Variants in UNC5D observed in about 807,000 individuals in gnomAD.
The protein encoded by UNC5D is unc-5 netrin receptor D, also known as netrin receptor UNC5D.
UNC5D carries 39 observed loss-of-function variants against 105.4 expected under a neutral mutation model. That is an observed-to-expected ratio of 0.37 (90% CI 0.29 to 0.48). UNC5D has a LOEUF of 0.48. Among genes scored for constraint, UNC5D ranks in the 20% least tolerant of loss-of-function variants. The pLI is 0.98. For missense variants in UNC5D, 991 were observed against 1,202.4 expected (o/e 0.82, Z 2.60); for synonymous variants, 452 against 450.4 (o/e 1.00, Z -0.04).
intron 1 of UNC5D, among the ~76,000 whole-genome samples, chr8:35,362,389 A>T (rs1482543741): frequency 6.6e-6 from 1 of 152,186 alleles, no homozygotes; most frequent in Non-Finnish European, 1.5e-5. Context: ...AATAAATGGT[A>T]ACCATAAAGT....
chr8:35,368,579 A>T (rs1431812474), intron 1 of UNC5D, among the ~76,000 whole-genome samples: 1 of 149,770 alleles, frequency 6.7e-6, no homozygotes, highest in Non-Finnish European at 1.5e-5. Flanking sequence ...GATAATTATA[A>T]TTCAATTGTA....
At chr8:35,415,647 A>C (rs148383024) in intron 1 of UNC5D, among the ~76,000 whole-genome samples, 131 of 152,266 alleles carry the variant, frequency 8.6e-4, no homozygotes, top group African/African-American at 3.1e-3. Flanking sequence ...GGAATTGTCC[A>C]GGCAGCTACT....
intron 1 of UNC5D, among the ~76,000 whole-genome samples, chr8:35,548,292 T>A (rs1216650324): frequency 6.6e-6 from 1 of 152,166 alleles, no homozygotes; most frequent in African/African-American, 2.4e-5. Flanking sequence ...TAAAGACTGG[T>A]TTGGTCTCAA....
At chr8:35,355,831 C>T (rs1397731461) in intron 1 of UNC5D, among the ~76,000 whole-genome samples, 1 of 152,114 alleles carries the variant, frequency 6.6e-6, no homozygotes, top group Non-Finnish European at 1.5e-5. Flanking sequence ...TCTACCATCC[C>T]TTCCACCAAG....
chr8:35,318,524 A>G (rs1392110415), intron 1 of UNC5D, among the ~76,000 whole-genome samples: 1 of 152,232 alleles, frequency 6.6e-6, no homozygotes, highest in East Asian at 1.9e-4. Context: ...TTTATCATCC[A>G]TAACATTTTA....
chr8:35,533,811 C>G (rs188567781), intron 1 of UNC5D, among the ~76,000 whole-genome samples: 1 of 152,174 alleles, frequency 6.6e-6, no homozygotes, highest in Non-Finnish European at 1.5e-5. Context: ...CCCGATTTTC[C>G]AAGTGCGTCC....
In UNC5D at chr8:35,595,628, C is replaced by A; in HGVS notation, c.541C>A (p.Arg181Ser). 1 of 1,614,012 alleles carries A rather than the reference C, an allele frequency of 6.2e-7. No homozygotes were observed. Among genetic ancestry groups the A allele is most frequent in the Non-Finnish European group, 8.5e-7 (1 of 1,179,962 alleles). ...PIEGMIVLHCRPPEGVPAAEV... is the reference protein window; with the variant it reads ...PIEGMIVLHCSPPEGVPAAEV... Reference sequence around the variant, plus strand: ...TGAAGGCATGATTGTACTGCACTGCCGCCCACCAGAGGGAGTCCCTGCTGC... The same window carrying A: ...TGAAGGCATGATTGTACTGCACTGCAGCCCACCAGAGGGAGTCCCTGCTGC... Residue 181 changes from arginine (R) to serine (S), a missense_variant, in exon 4 of 17, where the codon CGC becomes AGC. Physicochemically the swap from Arg to Ser is moderately radical, Grantham distance 110. This residue lies in a region of UNC5D where 944 missense variants were observed against 1,131.6 expected (regional missense o/e 0.83). Transcript: ENST00000404895.
chr8:35,379,461 T>A (rs1802894439), intron 1 of UNC5D, among the ~76,000 whole-genome samples: 1 of 152,212 alleles, frequency 6.6e-6, no homozygotes, highest in Non-Finnish European at 1.5e-5. Context: ...CCGAGCCACA[T>A]GATTCTACCA....
intron 1 of UNC5D, among the ~76,000 whole-genome samples, chr8:35,326,887 G>A (rs2082046089): frequency 6.6e-6 from 1 of 152,156 alleles, no homozygotes; most frequent in African/African-American, 2.4e-5. Flanking sequence ...AGGGCCTCTG[G>A]ATGTTGGCAA....
At chr8:35,423,569 G>A (rs1319134173) in intron 1 of UNC5D, among the ~76,000 whole-genome samples, 8 of 152,158 alleles carry the variant, frequency 5.3e-5, no homozygotes. Context: ...CAGTGTTTCG[G>A]TGTAATAAAC....
At chr8:35,336,710 A>G (rs1585615089) in intron 1 of UNC5D, among the ~76,000 whole-genome samples, 1 of 152,098 alleles carries the variant, frequency 6.6e-6, no homozygotes, top group East Asian at 1.9e-4. Context: ...TTCCTTTCAA[A>G]TGTGGAATAA....
At chr8:35,553,024 G>A (rs952095325) in intron 2 of UNC5D, among the ~76,000 whole-genome samples, 1 of 152,140 alleles carries the variant, frequency 6.6e-6, no homozygotes, top group Non-Finnish European at 1.5e-5. Flanking sequence ...AGATGTCTCT[G>A]TCCTAGATTT....
At position 35,235,735 on chromosome 8, in the gene UNC5D, G is replaced by A. The variant is rs1802411230; in HGVS notation, c.-50G>A. On this transcript the variant is annotated 5_prime_UTR_variant, in exon 1 of 17. Transcript: ENST00000404895. Reference sequence around the variant, plus strand: ...GGACCCTCATCGCCGACCCTTTCCCGGGCTCCCGGAGCGTGAAGAAGAGCC... The same window carrying A: ...GGACCCTCATCGCCGACCCTTTCCCAGGCTCCCGGAGCGTGAAGAAGAGCC... The A allele has an allele frequency of 1.2e-5, 15 of 1,218,276 alleles. No individual in the cohort carries two copies. Among genetic ancestry groups the A allele is most frequent in the East Asian group, 3.2e-5 (1 of 31,252 alleles). The allele number at this position is 1,218,276 out of a possible 1,614,324, so 75.5% of individuals were successfully genotyped here. A position where few individuals can be genotyped will look rare whatever the true frequency, so the allele number is the denominator to read the frequency against.
intron 14 of UNC5D, among the ~76,000 whole-genome samples, chr8:35,760,633 G>A (rs60045242): frequency 0.031 from 4,720 of 152,254 alleles, 263 homozygotes; most frequent in African/African-American, 0.11. Context: ...CTTAAGGACA[G>A]GATATTTCCT....
chr8:35,476,781 C>T (rs1810132931), intron 1 of UNC5D, among the ~76,000 whole-genome samples: 1 of 152,172 alleles, frequency 6.6e-6, no homozygotes, highest in Non-Finnish European at 1.5e-5. Flanking sequence ...TTTTTCTTCT[C>T]AAAGCTCAGG....
intron 1 of UNC5D, among the ~76,000 whole-genome samples, chr8:35,264,363 T>TAGGACATAGAGAAC (rs1484246678): frequency 1.3e-5 from 2 of 152,044 alleles, no homozygotes; most frequent in Non-Finnish European, 2.9e-5. Context: ...AAGTATATAA[T>TAGGACATAGAGAAC]AGGACATAGA....
At chr8:35,542,728 A>G (rs1291870033) in intron 1 of UNC5D, among the ~76,000 whole-genome samples, 1 of 152,234 alleles carries the variant, frequency 6.6e-6, no homozygotes, top group African/African-American at 2.4e-5. Flanking sequence ...AGCTACAGGG[A>G]GCAAATGATA....
At chr8:35,451,630 T>C (rs1808158516) in intron 1 of UNC5D, among the ~76,000 whole-genome samples, 1 of 152,166 alleles carries the variant, frequency 6.6e-6, no homozygotes, top group Admixed American at 6.6e-5. Context: ...TCTTAAACAA[T>C]ATGCTGTGTT....
intron 16 of UNC5D, among the ~76,000 whole-genome samples, chr8:35,775,656 C>T (rs1802212349): frequency 1.3e-5 from 2 of 151,118 alleles, no homozygotes; most frequent in Admixed American, 1.3e-4. Context: ...TTGGCTTGCT[C>T]TGTCATTTTC....
Sources: allele counts gnomAD v4.1 joint callset (sites outside exome capture counted in the v4.1 genomes callset), GRCh38; gene constraint gnomAD v4.1.1; regional missense constraint gnomAD v4.1.1; transcripts MANE v1.5; gene names NCBI Gene and HGNC (gene_info 2026-07-23, HGNC 2026-07-21).